LRTM3: variants seen among roughly 807,000 people sequenced by gnomAD.
LRTM3 encodes the protein leucine-rich repeat transmembrane protein 3.
the LRTM3 span, chr13:102,732,148 T>G: frequency 6.4e-7 from 1 of 1,551,372 alleles, no homozygotes; most frequent in Non-Finnish European, 8.7e-7. Context: ...TCTTAGACAT[T>G]TCACTAGTGT....
chr13:102,738,702 A>T, the LRTM3 span: 6 of 1,550,518 alleles, frequency 3.9e-6, no homozygotes, highest in Middle Eastern at 1.7e-4. Context: ...GAAAAAGAGG[A>T]TCTCATTTTT....
the LRTM3 span, chr13:102,735,164 A>G: frequency 2.6e-6 from 4 of 1,551,224 alleles, no homozygotes; most frequent in Admixed American, 5.9e-5. Context: ...TTTCCACTGA[A>G]GATCACTGAA....
chr13:102,758,482 A>C, the LRTM3 span: 2 of 1,536,410 alleles, frequency 1.3e-6, no homozygotes, highest in Non-Finnish European at 1.8e-6. Context: ...TCACAGTATC[A>C]ATGAGAAAAG....
chr13:102,745,183 T>A, the LRTM3 span: 1 of 1,550,790 alleles, frequency 6.4e-7, no homozygotes, highest in African/African-American at 1.4e-5. Context: ...TCCCCTGACC[T>A]GAACGGAACA....
At chr13:102,739,853 C>G in the LRTM3 span, 2 of 1,550,080 alleles carry the variant, frequency 1.3e-6, no homozygotes, top group Middle Eastern at 1.7e-4. Flanking sequence ...TTCACTCATT[C>G]TATGTTTCAC....
At chr13:102,758,851 G>A in the LRTM3 span, 1 of 1,549,586 alleles carries the variant, frequency 6.5e-7, no homozygotes, top group Non-Finnish European at 8.7e-7. Context: ...CAGGACTCTA[G>A]AAAGTCCCAT....
the LRTM3 span, chr13:102,740,931 CTT>C: frequency 6.5e-7 from 1 of 1,549,990 alleles, no homozygotes; most frequent in Non-Finnish European, 8.7e-7. Context: ...TGTGGATGTT[CTT>C]TTCTTCCTTT....
chr13:102,750,062 G>A, the LRTM3 span: 1 of 1,550,300 alleles, frequency 6.5e-7, no homozygotes. Flanking sequence ...AAGATCAGAA[G>A]AAAATCCTGA....
At chr13:102,740,237 G>A in the LRTM3 span, 1 of 1,549,140 alleles carries the variant, frequency 6.5e-7, no homozygotes, top group Admixed American at 2.0e-5. Flanking sequence ...TAAGAGACTT[G>A]CATATTTTAT....
chr13:102,758,870 G>C, the LRTM3 span: 4 of 1,550,114 alleles, frequency 2.6e-6, no homozygotes, highest in Non-Finnish European at 3.5e-6. Context: ...ATAATGTCAT[G>C]AATGTATTAT....
chr13:102,734,484 T>C, the LRTM3 span: 5 of 1,551,250 alleles, frequency 3.2e-6, no homozygotes, highest in Non-Finnish European at 4.4e-6. Context: ...TGCCCTCCAA[T>C]GTTCACATGC....
the LRTM3 span, chr13:102,731,491 T>C: frequency 1.0e-5 from 16 of 1,551,302 alleles, no homozygotes; most frequent in Non-Finnish European, 5.2e-6. Flanking sequence ...CTAAAAGGGA[T>C]TTGTGCTGCG....
chr13:102,732,394 C>G, the LRTM3 span: 1 of 1,551,336 alleles, frequency 6.4e-7, no homozygotes, highest in Non-Finnish European at 8.7e-7. Context: ...TTGGGTGATT[C>G]TGGATTTTCA....
the LRTM3 span, chr13:102,736,273 C>T: frequency 6.4e-7 from 1 of 1,551,060 alleles, no homozygotes; most frequent in South Asian, 1.2e-5. Context: ...GTCCTGCTCT[C>T]TCTTTCATGC....
the LRTM3 span, chr13:102,740,272 C>T: frequency 7.1e-6 from 11 of 1,549,918 alleles, no homozygotes; most frequent in African/African-American, 1.4e-5. Context: ...ATCCTAAAGG[C>T]AGCATTGAAT....
chr13:102,732,994 C>T, the LRTM3 span: 2 of 1,551,438 alleles, frequency 1.3e-6, no homozygotes, highest in Non-Finnish European at 8.7e-7. Context: ...GCAATGCCTG[C>T]TTCCTTCCCC....
the LRTM3 span, chr13:102,732,642 GA>G: frequency 6.4e-7 from 1 of 1,551,064 alleles, no homozygotes; most frequent in Non-Finnish European, 8.7e-7. Context: ...GTCTTCATTT[GA>G]GATTCCTCTG....
the LRTM3 span, chr13:102,733,206 C>T: frequency 1.3e-6 from 2 of 1,551,434 alleles, no homozygotes; most frequent in African/African-American, 1.4e-5. Flanking sequence ...TTTTTCATGA[C>T]AATATCTTGT....
the LRTM3 span, chr13:102,733,319 A>T: frequency 6.4e-7 from 1 of 1,551,282 alleles, no homozygotes; most frequent in Non-Finnish European, 8.7e-7. Context: ...CATTTTGCTG[A>T]TTCTATCATT....
Sources: gnomAD v4.1 joint callset for allele counts on GRCh38, gnomAD v4.1.1 for gene constraint, MANE v1.5 for transcripts, NCBI Gene and HGNC (gene_info 2026-07-23, HGNC 2026-07-21) for gene names.